HCN1: variants seen among roughly 807,000 people sequenced by gnomAD.
HCN1 encodes hyperpolarization activated cyclic nucleotide gated potassium channel 1.
A neutral mutation model predicts 78.9 loss-of-function variants in HCN1; 13 were observed. That is an observed-to-expected ratio of 0.16 (90% CI 0.11 to 0.26). The LOEUF (loss-of-function observed/expected upper bound fraction) is 0.26. Ranked by LOEUF, HCN1 falls within the 10% of genes least tolerant of loss-of-function variation. The pLI, the probability that HCN1 is intolerant of heterozygous loss-of-function variation, is 1.00. For missense variants in HCN1, 810 were observed against 1,154.3 expected (o/e 0.70, Z 4.32); for synonymous variants, 552 against 455.5 (o/e 1.21, Z -2.70).
chr5:45,623,224 C>A lies in HCN1; in HGVS notation c.849+21961G>T, dbSNP rs184235042. Among the ~76,000 whole-genome samples, 588 of 152,264 alleles carry A rather than the reference C, an allele frequency of 3.9e-3. 2 individuals carry two copies. The highest frequency in any genetic ancestry group is 5.5e-3 in the Non-Finnish European group (377 of 68,012). On this transcript the variant is annotated intron_variant, in intron 2 of 7. Transcript: ENST00000303230. Reference sequence around the variant, plus strand: ...AATTGTAGGATCCATAAGAGGAGAACTGTGTCTTTCTCCTTGACACTGAAC... The same window carrying A: ...AATTGTAGGATCCATAAGAGGAGAAATGTGTCTTTCTCCTTGACACTGAAC...
chr5:45,361,076 C>T lies in HCN1; in HGVS notation c.1231-7830G>A, dbSNP rs182856183. On this transcript the variant is annotated intron_variant, in intron 4 of 7. Coordinates refer to ENST00000303230, the MANE Select transcript of HCN1 (RefSeq NM_021072.4). ...TGTTTTTCTCTGAGATGGAGTTTCA[C>T]TCTTGTTGCCCAGGCTGGAGTGCAA... Among the ~76,000 whole-genome samples the T allele has an allele frequency of 2.1e-3, 317 of 152,224 alleles. 2 individuals are homozygous for T. The highest frequency in any genetic ancestry group is 7.3e-3 in the African/African-American group (303 of 41,566).
At chr5:45,323,458 A>C (rs1746166942) in intron 5 of HCN1, among the ~76,000 whole-genome samples, 1 of 151,940 alleles carries the variant, frequency 6.6e-6, no homozygotes, top group Non-Finnish European at 1.5e-5. Flanking sequence ...TATAGAAGGG[A>C]ATGAAAAATA....
intron 2 of HCN1, among the ~76,000 whole-genome samples, chr5:45,555,201 A>G (rs1188321502): frequency 6.6e-6 from 1 of 151,910 alleles, no homozygotes; most frequent in Non-Finnish European, 1.5e-5. Context: ...TAGATGCAGA[A>G]TACAAAATCA....
At chr5:45,429,060 C>G (rs1740411246) in intron 3 of HCN1, among the ~76,000 whole-genome samples, 3 of 151,958 alleles carry the variant, frequency 2.0e-5, no homozygotes, top group Admixed American at 6.6e-5. Context: ...TGTCATTTAG[C>G]CCTCAAAATA....
intron 2 of HCN1, among the ~76,000 whole-genome samples, chr5:45,593,769 G>A (rs976976322): frequency 8.6e-5 from 13 of 151,804 alleles, no homozygotes; most frequent in Non-Finnish European, 1.3e-4. Flanking sequence ...CCACCTCCCC[G>A]GTTCAAGCAA....
chr5:45,446,043 A>G (rs1013382601), intron 3 of HCN1, among the ~76,000 whole-genome samples: 9 of 152,238 alleles, frequency 5.9e-5, no homozygotes, highest in African/African-American at 1.7e-4. Flanking sequence ...ACAGAGAATG[A>G]CTTTGACGAG....
chr5:45,646,159 T>C (rs1476368928), intron 1 of HCN1, among the ~76,000 whole-genome samples: 1 of 152,130 alleles, frequency 6.6e-6, no homozygotes, highest in Non-Finnish European at 1.5e-5. Context: ...ACTGGAGTTT[T>C]GCAGTACTCC....
chr5:45,319,090 C>A (rs890262406), intron 5 of HCN1, among the ~76,000 whole-genome samples: 2 of 151,942 alleles, frequency 1.3e-5, no homozygotes, highest in Non-Finnish European at 2.9e-5. Flanking sequence ...ATCCATTCTA[C>A]TCTTCATGAC....
intron 2 of HCN1, among the ~76,000 whole-genome samples, chr5:45,577,186 T>G (rs1419982556): frequency 6.6e-6 from 1 of 152,094 alleles, no homozygotes; most frequent in Non-Finnish European, 1.5e-5. Context: ...TTATTCTTGT[T>G]TTCAAGGTTA....
chr5:45,358,253 G>A (rs530134878), intron 4 of HCN1, among the ~76,000 whole-genome samples: 19 of 152,140 alleles, frequency 1.2e-4, no homozygotes, highest in African/African-American at 4.6e-4. Context: ...GAGAACTGAC[G>A]AATAATTGAA....
At chr5:45,573,452 G>A (rs1579976991) in intron 2 of HCN1, among the ~76,000 whole-genome samples, 1 of 148,228 alleles carries the variant, frequency 6.7e-6, no homozygotes, top group South Asian at 2.2e-4. Context: ...TTCCTGAGGA[G>A]GGTTTTCCAA....
chr5:45,664,705 C>T (rs1195403153), intron 1 of HCN1, among the ~76,000 whole-genome samples: 1 of 151,878 alleles, frequency 6.6e-6, no homozygotes, highest in Non-Finnish European at 1.5e-5. Context: ...AAAATGCTCA[C>T]CATCACTGGC....
At chr5:45,549,709 C>T (rs1282046559) in intron 2 of HCN1, among the ~76,000 whole-genome samples, 1 of 152,130 alleles carries the variant, frequency 6.6e-6, no homozygotes, top group Non-Finnish European at 1.5e-5. Context: ...AGTGAACAGG[C>T]AACCTACAGA....
intron 2 of HCN1, among the ~76,000 whole-genome samples, chr5:45,621,727 C>T (rs1011330267): frequency 1.3e-5 from 2 of 151,936 alleles, no homozygotes; most frequent in Non-Finnish European, 2.9e-5. Flanking sequence ...TAAATACAAA[C>T]CTTTCACCCA....
intron 2 of HCN1, among the ~76,000 whole-genome samples, chr5:45,523,525 T>G (rs1245101214): frequency 6.6e-6 from 1 of 152,130 alleles, no homozygotes; most frequent in Non-Finnish European, 1.5e-5. Context: ...CACCTGTTGT[T>G]TCCTGACTTT....
At chr5:45,634,278 A>T (rs1453843860) in intron 2 of HCN1, among the ~76,000 whole-genome samples, 1 of 151,932 alleles carries the variant, frequency 6.6e-6, no homozygotes, top group Non-Finnish European at 1.5e-5. Context: ...CCTGTCAACC[A>T]ACAGCCTGCT....
intron 1 of HCN1, among the ~76,000 whole-genome samples, chr5:45,693,308 GATT>G (rs1281618073): frequency 6.6e-6 from 1 of 151,586 alleles, no homozygotes; most frequent in Non-Finnish European, 1.5e-5. Context: ...ACAAGTACAT[GATT>G]ATTTTTGCAG....
intron 1 of HCN1, among the ~76,000 whole-genome samples, chr5:45,646,367 CTTTTTTTTT>C (rs201964510): frequency 1.6e-5 from 2 of 123,524 alleles, no homozygotes; most frequent in African/African-American, 6.2e-5. Flanking sequence ...TTCTTTCTTT[CTTTTTTTTT>C]TTTTTTTTTT....
chr5:45,363,761 G>A (rs957221799), intron 4 of HCN1, among the ~76,000 whole-genome samples: 2 of 151,830 alleles, frequency 1.3e-5, no homozygotes, highest in African/African-American at 4.8e-5. Context: ...AGGGGTTTCC[G>A]CTTTTGCTTC....
Sources: allele counts gnomAD v4.1 joint callset (sites outside exome capture counted in the v4.1 genomes callset), GRCh38; gene constraint gnomAD v4.1.1; transcripts MANE v1.5; gene names NCBI Gene and HGNC (gene_info 2026-07-23, HGNC 2026-07-21).